Variants in DOK6 observed in about 807,000 individuals in gnomAD.
The protein encoded by DOK6 is downstream of tyrosine kinase 6.
DOK6 carries 22 observed loss-of-function variants against 44.0 expected under a neutral mutation model. The observed-to-expected ratio is 0.50, with a 90% confidence interval of 0.36 to 0.71. DOK6 has a LOEUF of 0.71. DOK6 is among the 30% of genes least tolerant of loss of function. The pLI, the probability that DOK6 is intolerant of heterozygous loss-of-function variation, is 0.00. For synonymous variants in DOK6, 166 were observed against 145.5 expected (o/e 1.14, Z -1.01); for missense variants, 340 against 416.4 (o/e 0.82, Z 1.60).
chr18:69,471,250 CAAA>C (rs71176969), intron 1 of DOK6, among the ~76,000 whole-genome samples: 162 of 27,754 alleles, frequency 5.8e-3, no homozygotes, highest in African/African-American at 0.017. Context: ...AACTCCATCT[CAAA>C]AAAAAAAAAA....
intron 7 of DOK6, among the ~76,000 whole-genome samples, chr18:69,800,597 T>A (rs1025019464): frequency 6.6e-6 from 1 of 152,202 alleles, no homozygotes; most frequent in Non-Finnish European, 1.5e-5. Context: ...AGACTTTTTC[T>A]ATTTCAGTTC....
At chr18:69,623,867 G>A (rs1376107539) in intron 3 of DOK6, among the ~76,000 whole-genome samples, 1 of 152,174 alleles carries the variant, frequency 6.6e-6, no homozygotes, top group Non-Finnish European at 1.5e-5. Context: ...GTATTACCCA[G>A]AACCTCTACT....
At chr18:69,571,874 A>G (rs1286000560) in intron 2 of DOK6, among the ~76,000 whole-genome samples, 2 of 152,078 alleles carry the variant, frequency 1.3e-5, no homozygotes, top group East Asian at 1.9e-4. Flanking sequence ...ACTTAACACA[A>G]TCAACCACTT....
At chr18:69,731,902 T>A (rs900545257) in intron 5 of DOK6, among the ~76,000 whole-genome samples, 1 of 152,200 alleles carries the variant, frequency 6.6e-6, no homozygotes, top group Non-Finnish European at 1.5e-5. Flanking sequence ...GGTGTGAGTA[T>A]AGATCAGTAG....
At chr18:69,569,979 G>C (rs1983075002) in intron 2 of DOK6, among the ~76,000 whole-genome samples, 1 of 152,006 alleles carries the variant, frequency 6.6e-6, no homozygotes, top group Non-Finnish European at 1.5e-5. Flanking sequence ...TTATAAGTGA[G>C]AGCTAAATAA....
intron 1 of DOK6, among the ~76,000 whole-genome samples, chr18:69,466,219 A>G (rs548679215): frequency 6.6e-6 from 1 of 152,240 alleles, no homozygotes; most frequent in East Asian, 1.9e-4. Flanking sequence ...CTGAGCATTT[A>G]TGAGTTTGAT....
At chr18:69,659,177 C>G (rs1193801687) in intron 3 of DOK6, among the ~76,000 whole-genome samples, 1 of 152,214 alleles carries the variant, frequency 6.6e-6, no homozygotes, top group Non-Finnish European at 1.5e-5. Flanking sequence ...CTCTGCTGCT[C>G]CAGCATTTAA....
chr18:69,782,673 A>C (rs1308688803), intron 7 of DOK6, among the ~76,000 whole-genome samples: 1 of 152,088 alleles, frequency 6.6e-6, no homozygotes, highest in Non-Finnish European at 1.5e-5. Flanking sequence ...CTGAGGCAGG[A>C]GAATCGCTTG....
intron 1 of DOK6, among the ~76,000 whole-genome samples, chr18:69,416,052 A>C (rs2122397641): frequency 6.7e-6 from 1 of 150,046 alleles, no homozygotes; most frequent in East Asian, 2.0e-4. Flanking sequence ...TCTCTAGAAA[A>C]ATTTTTTGGA....
At chr18:69,579,546 G>A (rs183186838) in intron 2 of DOK6, among the ~76,000 whole-genome samples, 2 of 150,612 alleles carry the variant, frequency 1.3e-5, no homozygotes, top group South Asian at 2.1e-4. Flanking sequence ...ACTCTCCGAA[G>A]GTGGGCCAAA....
At chr18:69,469,962 C>A in intron 1 of DOK6, 1 of 191,434 alleles carries the variant, frequency 5.2e-6, no homozygotes, top group South Asian at 7.1e-5. Context: ...CTACTTGAAC[C>A]GAGTGTCCGA....
chr18:69,443,704 T>C (rs1979199354), intron 1 of DOK6, among the ~76,000 whole-genome samples: 1 of 152,202 alleles, frequency 6.6e-6, no homozygotes, highest in African/African-American at 2.4e-5. Context: ...TCCCTTGTAC[T>C]AAATGCTCTA....
At chr18:69,683,602 G>A (rs1268781052) in intron 4 of DOK6, among the ~76,000 whole-genome samples, 1 of 152,210 alleles carries the variant, frequency 6.6e-6, no homozygotes, top group Admixed American at 6.5e-5. Context: ...GGAACATCAA[G>A]CATTGCCCAT....
At position 69,767,211 on chromosome 18, in the gene DOK6, G is replaced by A. The variant is rs1039915096; in HGVS notation, c.856+9338G>A. Among the ~76,000 whole-genome samples, 5 of 152,046 alleles carry A rather than the reference G, an allele frequency of 3.3e-5. No individual in the cohort carries two copies. The South Asian group carries it at 6.2e-4, about 19-fold the overall frequency. ...TGCACCACTGCACTCCAGCCTGGGCGACAGAGTGAGAAAGTCTATCTCAAA... is the reference window on the plus strand; with the variant it reads ...TGCACCACTGCACTCCAGCCTGGGCAACAGAGTGAGAAAGTCTATCTCAAA... On this transcript the variant is annotated intron_variant, in intron 7 of 7. Transcript: ENST00000382713.
intron 3 of DOK6, among the ~76,000 whole-genome samples, chr18:69,614,504 AAT>A (rs1200874215): frequency 6.6e-6 from 1 of 151,788 alleles, no homozygotes; most frequent in Non-Finnish European, 1.5e-5. Flanking sequence ...AGCTAATTAA[AAT>A]ATCTGTCACT....
chr18:69,508,464 G>A (rs1033975141), intron 1 of DOK6, among the ~76,000 whole-genome samples: 1 of 152,174 alleles, frequency 6.6e-6, no homozygotes, highest in African/African-American at 2.4e-5. Context: ...ATTTTCCAGT[G>A]AAATCATCTG....
intron 7 of DOK6, among the ~76,000 whole-genome samples, chr18:69,759,197 C>T (rs749108462): frequency 1.3e-5 from 2 of 152,100 alleles, no homozygotes; most frequent in African/African-American, 2.4e-5. Context: ...TTTCAAGAAT[C>T]GGAAAGAGAA....
intron 5 of DOK6, among the ~76,000 whole-genome samples, chr18:69,708,508 CG>C (rs925695088): frequency 6.6e-6 from 1 of 152,034 alleles, no homozygotes; most frequent in Non-Finnish European, 1.5e-5. Context: ...GCTTTGAGGC[CG>C]GGTGTGGTGG....
intron 1 of DOK6, among the ~76,000 whole-genome samples, chr18:69,441,262 ATAT>A (rs1979129970): frequency 1.3e-5 from 2 of 152,282 alleles, no homozygotes; most frequent in Middle Eastern, 3.4e-3. Flanking sequence ...AGTATGATAA[ATAT>A]TATGAGTACT....
Sources: allele counts gnomAD v4.1 joint callset (sites outside exome capture counted in the v4.1 genomes callset), GRCh38; gene constraint gnomAD v4.1.1; transcripts MANE v1.5; gene names NCBI Gene and HGNC (gene_info 2026-07-23, HGNC 2026-07-21).